The following PAXBP1 variants were observed in gnomAD, a reference collection of about 807,000 sequenced individuals.
The protein encoded by PAXBP1 is PAX3 and PAX7 binding protein 1, also known as PAX3- and PAX7-binding protein 1.
A neutral mutation model predicts 119.9 loss-of-function variants in PAXBP1; 44 were observed. The ratio of observed to expected loss-of-function variants is 0.37; its 90% CI spans 0.29 to 0.47. The LOEUF is 0.47. Among genes scored for constraint, PAXBP1 ranks in the 20% least tolerant of loss-of-function variants. The pLI is 0.99. For synonymous variants in PAXBP1, 393 were observed against 406.6 expected, an observed-to-expected ratio of 0.97 and a Z score of 0.40; for missense variants, 898 against 1,134.1, an observed-to-expected ratio of 0.79 and a Z score of 2.99.
Position 32,759,925 on chromosome 21 carries a change from A to G in PAXBP1, c.1045T>C (p.Ser349Pro). 1 of 1,614,056 alleles carries G rather than the reference A, an allele frequency of 6.2e-7. No individual in the cohort carries two copies. The highest frequency in any genetic ancestry group is 8.5e-7 in the Non-Finnish European group (1 of 1,179,882). The part of the protein sequence containing the change: ...QNTYQTMPYG[S>P]SYGIPYSYTA... ...TAACTATAAGGAATGCCATAGGATG[A>G]GCCGTAAGGCATTGTCTGGTAAGTG... is the stretch of plus-strand genomic sequence containing the variant. The change falls in exon 6 of 18, where the codon TCA (serine) becomes CCA (proline). Residue 349 changes from serine to proline, a missense_variant. Ser to Pro is a moderately conservative substitution (Grantham distance 74, BLOSUM62 -1). Transcript: ENST00000331923.
intron 10 of PAXBP1, among the ~76,000 whole-genome samples, chr21:32,750,225 C>T (rs1022561189): frequency 6.6e-6 from 1 of 152,168 alleles, no homozygotes; most frequent in African/African-American, 2.4e-5. Flanking sequence ...AAGTTACTTT[C>T]AAATGGTTCA....
At chr21:32,741,753 C>T (rs2043789162) in intron 15 of PAXBP1, 2 of 481,316 alleles carry the variant, frequency 4.2e-6, no homozygotes, top group Non-Finnish European at 7.5e-6. Context: ...TGTCTATGAC[C>T]CGCCTGGGGC....
chr21:32,745,900 T>A (rs578101032), intron 11 of PAXBP1, among the ~76,000 whole-genome samples, 182 bp from the exon 12 acceptor site: 2 of 152,310 alleles, frequency 1.3e-5, no homozygotes, highest in South Asian at 2.1e-4. Flanking sequence ...AACAGCATGG[T>A]ACTGATACAA....
intron 6 of PAXBP1, 152 bp downstream of exon 6, chr21:32,759,625 G>A: frequency 1.4e-6 from 1 of 708,774 alleles, no homozygotes. Context: ...GAAGGTAGCA[G>A]AACAAAGTAT....
At chr21:32,770,042 T>C (rs1009322211) in intron 1 of PAXBP1, 100 bp from the exon 2 acceptor site, 3 of 798,160 alleles carry the variant, frequency 3.8e-6, no homozygotes, top group Middle Eastern at 7.4e-4. Flanking sequence ...ATCCCAAATA[T>C]ATATACTCAT....
At chr21:32,771,301 A>G (rs1453233214) in intron 1 of PAXBP1, 25 bp downstream of exon 1, 1 of 1,561,040 alleles carries the variant, frequency 6.4e-7, no homozygotes, top group East Asian at 2.5e-5. Context: ...CGGCCGTCTA[A>G]GGGCGTCCGA....
chr21:32,753,528 A>G (rs1294240511), intron 8 of PAXBP1, among the ~76,000 whole-genome samples: 1 of 152,228 alleles, frequency 6.6e-6, no homozygotes, highest in Non-Finnish European at 1.5e-5. Flanking sequence ...ACATGACTCA[A>G]GTGATAGCCT....
intron 8 of PAXBP1, among the ~76,000 whole-genome samples, chr21:32,753,777 A>C (rs2044000110): frequency 1.3e-5 from 2 of 152,342 alleles, no homozygotes; most frequent in South Asian, 4.1e-4. Flanking sequence ...TCAAACTAAT[A>C]TAAATAATTC....
intron 8 of PAXBP1, among the ~76,000 whole-genome samples, chr21:32,753,884 C>A (rs2044001683): frequency 6.6e-6 from 1 of 152,204 alleles, no homozygotes; most frequent in East Asian, 1.9e-4. Context: ...ACAGCTCACA[C>A]AAACCATCTA....
rs1049444035 is a variant in PAXBP1, at chr21:32,737,307, A to G, written c.2583T>C (p.Asp861=). ...NFCRYLVHLA[D]TIYRNSIGCS... ...ACCCGATACTATTTCTATAAATTGTATCCGCTAAGTGTACAAGGTATCGGC... is the reference window on the plus strand; with the variant it reads ...ACCCGATACTATTTCTATAAATTGTGTCCGCTAAGTGTACAAGGTATCGGC... Residue 861 remains aspartate (D), a synonymous_variant, in exon 17 of 18, where the codon GAT becomes GAC. Coordinates refer to ENST00000331923, the MANE Select transcript of PAXBP1 (RefSeq NM_016631.4). 4 of 1,597,508 alleles carry G rather than the reference A, an allele frequency of 2.5e-6. No individual in the cohort carries two copies. The highest frequency in any genetic ancestry group is 1.7e-4 in the Middle Eastern group (1 of 6,004).
At chr21:32,746,416 A>G (rs2043872734) in intron 11 of PAXBP1, among the ~76,000 whole-genome samples, 1 of 151,986 alleles carries the variant, frequency 6.6e-6, no homozygotes, top group Non-Finnish European at 1.5e-5. Context: ...TTATAGGAAA[A>G]AAACAACCCC....
chr21:32,768,749 C>G (rs2044284737), intron 2 of PAXBP1, among the ~76,000 whole-genome samples: 1 of 152,222 alleles, frequency 6.6e-6, no homozygotes, highest in African/African-American at 2.4e-5. Context: ...AATGTAAACC[C>G]TTACTGGATA....
intron 2 of PAXBP1, among the ~76,000 whole-genome samples, chr21:32,764,952 CTG>C (rs1251970807): frequency 6.6e-6 from 1 of 152,232 alleles, no homozygotes; most frequent in Non-Finnish European, 1.5e-5. Flanking sequence ...CGAGGCAACT[CTG>C]TTATGAACAA....
chr21:32,764,622 A>T, intron 2 of PAXBP1, 98 bp from the exon 3 acceptor site: 3 of 900,664 alleles, frequency 3.3e-6, no homozygotes, highest in Non-Finnish European at 4.8e-6. Flanking sequence ...TTTTTTAATT[A>T]AAAAAAGGGG....
At position 32,738,328 on chromosome 21, in the gene PAXBP1, A is replaced by T. The variant is rs182758006; in HGVS notation, c.2335-9T>A. On this transcript the variant is annotated splice_polypyrimidine_tract_variant and intron_variant, in intron 15 of 17. Coordinates refer to ENST00000331923, the MANE Select transcript of PAXBP1 (RefSeq NM_016631.4). ...AGAAAATTGCCTAACAGCTGGAAAG[A>T]AGAAAAAAAATAGGTAATGTGAAAC... The T allele has an allele frequency of 3.0e-5, 47 of 1,578,000 alleles. No individual in the cohort carries two copies. The Middle Eastern group carries it at 5.0e-4, about 17-fold the overall frequency.
At chr21:32,740,137 T>C (rs1338633477) in intron 15 of PAXBP1, among the ~76,000 whole-genome samples, 2 of 152,056 alleles carry the variant, frequency 1.3e-5, no homozygotes, top group Admixed American at 1.3e-4. Flanking sequence ...CAAAGTCATC[T>C]CTCAGCTCAC....
chr21:32,760,701 T>C (rs1221541212), intron 5 of PAXBP1, among the ~76,000 whole-genome samples: 1 of 152,198 alleles, frequency 6.6e-6, no homozygotes, highest in Non-Finnish European at 1.5e-5. Flanking sequence ...CCCAAGCTTC[T>C]GACTCTGTAG....
At chr21:32,753,201 G>A (rs1206314176) in intron 8 of PAXBP1, among the ~76,000 whole-genome samples, 3 of 151,864 alleles carry the variant, frequency 2.0e-5, no homozygotes, top group Admixed American at 6.5e-5. Context: ...GCTCACGCCT[G>A]TAATCCCAGC....
At chr21:32,751,491 G>A (rs2043958109) in intron 8 of PAXBP1, 2 of 280,544 alleles carry the variant, frequency 7.1e-6, no homozygotes, top group South Asian at 4.9e-5. Context: ...CTATTTTTAT[G>A]TCTAAGTAAC....
Sources: allele counts gnomAD v4.1 joint callset (sites outside exome capture counted in the v4.1 genomes callset), GRCh38; gene constraint gnomAD v4.1.1; transcripts MANE v1.5; gene names NCBI Gene and HGNC (gene_info 2026-07-23, HGNC 2026-07-21).